CDH18: variants seen among roughly 807,000 people sequenced by gnomAD.
CDH18 encodes the protein cadherin-18.
CDH18 carries 31 observed loss-of-function variants against 67.9 expected under a neutral mutation model. The ratio of observed to expected loss-of-function variants is 0.46; its 90% CI spans 0.34 to 0.62. The LOEUF (loss-of-function observed/expected upper bound fraction) is 0.62, where lower values mean the gene tolerates loss of function less well. Among genes scored for constraint, CDH18 ranks in the 20% least tolerant of loss-of-function variants. CDH18 has a pLI of 0.01. For missense variants in CDH18, 890 were observed against 975.5 expected (o/e 0.91, Z 1.17); for synonymous variants, 362 against 347.2 (o/e 1.04, Z -0.48).
chr5:20,067,148 A>G (rs180801981), intron 2 of CDH18, among the ~76,000 whole-genome samples: 4 of 152,060 alleles, frequency 2.6e-5, no homozygotes, highest in East Asian at 1.9e-4. Flanking sequence ...TGTGGTTTAT[A>G]TGCAAATACT....
intron 2 of CDH18, among the ~76,000 whole-genome samples, chr5:19,916,286 C>T (rs1791782102): frequency 6.6e-6 from 1 of 152,158 alleles, no homozygotes; most frequent in Admixed American, 6.5e-5. Flanking sequence ...AAACTCCATG[C>T]TCACCACTGA....
chr5:20,374,073 C>G (rs768771975), intron 1 of CDH18, among the ~76,000 whole-genome samples: 3 of 152,136 alleles, frequency 2.0e-5, no homozygotes, highest in Non-Finnish European at 2.9e-5. Flanking sequence ...ATTGAATGCT[C>G]TCCCTGGGCC....
chr5:19,899,882 A>G (rs962701484), intron 2 of CDH18, among the ~76,000 whole-genome samples: 6 of 152,120 alleles, frequency 3.9e-5, no homozygotes, highest in African/African-American at 1.4e-4. Context: ...GGTATCTGTG[A>G]TTGTCAAGCT....
chr5:20,531,597 G>A (rs1416271372), intron 1 of CDH18, among the ~76,000 whole-genome samples: 3 of 151,484 alleles, frequency 2.0e-5, no homozygotes. Flanking sequence ...AAGGGACATG[G>A]ATCAAGCTGG....
chr5:20,089,223 A>T (rs1745225022), intron 2 of CDH18, among the ~76,000 whole-genome samples: 1 of 152,066 alleles, frequency 6.6e-6, no homozygotes, highest in African/African-American at 2.4e-5. Context: ...TCAACAATAG[A>T]TTTTTTTGTT....
intron 3 of CDH18, among the ~76,000 whole-genome samples, chr5:19,764,175 CA>C (rs747971284): frequency 0.12 from 9,799 of 79,410 alleles, 247 homozygotes; most frequent in African/African-American, 0.15. Context: ...GACTCTGTCT[CA>C]AAAAAAAAAA....
At chr5:20,231,921 C>T (rs534318654) in intron 2 of CDH18, among the ~76,000 whole-genome samples, 1 of 151,830 alleles carries the variant, frequency 6.6e-6, no homozygotes, top group Non-Finnish European at 1.5e-5. Flanking sequence ...AAAGCTAAAT[C>T]AATAGATTTC....
chr5:19,481,800 ACAGT>A, intron 12 of CDH18, among the ~76,000 whole-genome samples: 1 of 152,320 alleles, frequency 6.6e-6, no homozygotes, highest in East Asian at 1.9e-4. Flanking sequence ...TCTCAGAAAA[ACAGT>A]CAATTATCTT....
chr5:20,117,677 C>T (rs955369399), intron 2 of CDH18, among the ~76,000 whole-genome samples: 8 of 152,004 alleles, frequency 5.3e-5, no homozygotes, highest in African/African-American at 1.2e-4. Context: ...CAGTGAGAAG[C>T]GAACAGAATT....
intron 4 of CDH18, among the ~76,000 whole-genome samples, chr5:19,737,881 T>C (rs1283121460): frequency 6.6e-6 from 1 of 152,130 alleles, no homozygotes; most frequent in Non-Finnish European, 1.5e-5. Context: ...AAGTATCAAT[T>C]TTGAGATTTT....
intron 5 of CDH18, among the ~76,000 whole-genome samples, chr5:19,672,897 T>G (rs1296962619): frequency 6.6e-6 from 1 of 152,152 alleles, no homozygotes; most frequent in East Asian, 1.9e-4. Context: ...TTTTGAAACT[T>G]AAATCCTATT....
chr5:20,277,806 T>G (rs560989459), intron 1 of CDH18, among the ~76,000 whole-genome samples: 1 of 152,154 alleles, frequency 6.6e-6, no homozygotes. Context: ...GAGATAAATT[T>G]AACAAAGAGA....
At chr5:19,968,343 T>C (rs1486414396) in intron 2 of CDH18, among the ~76,000 whole-genome samples, 8 of 152,128 alleles carry the variant, frequency 5.3e-5, no homozygotes, top group Non-Finnish European at 1.2e-4. Flanking sequence ...AAAAAATTAC[T>C]TTAAAGTTCA....
At chr5:19,979,130 A>G (rs1030683547) in intron 2 of CDH18, among the ~76,000 whole-genome samples, 1 of 152,066 alleles carries the variant, frequency 6.6e-6, no homozygotes, top group Admixed American at 6.6e-5. Flanking sequence ...TTGATAAAGA[A>G]CTAGCTAATC....
At chr5:20,454,586 G>C (rs538962931) in intron 1 of CDH18, among the ~76,000 whole-genome samples, 1 of 152,168 alleles carries the variant, frequency 6.6e-6, no homozygotes, top group South Asian at 2.1e-4. Flanking sequence ...ACTGCAGAGC[G>C]TCTGGGACTT....
chr5:19,475,527 A>G (rs1181739292), intron 12 of CDH18, among the ~76,000 whole-genome samples: 8 of 149,334 alleles, frequency 5.4e-5, no homozygotes, highest in Admixed American at 4.7e-4. Flanking sequence ...GTTGGAGACC[A>G]TCTGCAACAC....
intron 4 of CDH18, among the ~76,000 whole-genome samples, chr5:19,724,786 T>C (rs1308097772): frequency 2.6e-5 from 4 of 152,176 alleles, no homozygotes; most frequent in African/African-American, 4.8e-5. Context: ...GGTTTGTGTG[T>C]CCTGTGAGTT....
intron 6 of CDH18, among the ~76,000 whole-genome samples, chr5:19,611,264 G>A (rs1438456271): frequency 6.6e-6 from 1 of 151,858 alleles, no homozygotes; most frequent in Admixed American, 6.6e-5. Flanking sequence ...ACATGAACAA[G>A]CATGCAAAAG....
At chr5:20,219,637 G>C (rs10059342) in intron 2 of CDH18, among the ~76,000 whole-genome samples, 105,624 of 151,702 alleles carry the variant, frequency 0.7, 37,401 homozygotes, top group African/African-American at 0.84. Context: ...TTCATCCTGA[G>C]CAAGTGGAAT....
Sources: gnomAD v4.1 joint callset for allele counts (sites outside exome capture counted in the v4.1 genomes callset) on GRCh38, gnomAD v4.1.1 for gene constraint, MANE v1.5 for transcripts, NCBI Gene and HGNC (gene_info 2026-07-23, HGNC 2026-07-21) for gene names.